The following SLC39A11 variants were observed in gnomAD, a reference collection of about 807,000 sequenced individuals.
The protein encoded by SLC39A11 is zinc transporter ZIP11.
SLC39A11 carries 33 observed loss-of-function variants against 36.1 expected under a neutral mutation model. The ratio of observed to expected loss-of-function variants is 0.91; its 90% CI spans 0.69 to 1.22. SLC39A11 has a LOEUF of 1.22. Ranked by LOEUF, SLC39A11 falls within the 50% of genes most tolerant of loss-of-function variation. SLC39A11 has a pLI of 0.00. For missense variants in SLC39A11, 432 were observed against 430.3 expected (o/e 1.00, Z -0.03); for synonymous variants, 166 against 170.3 (o/e 0.97, Z 0.20).
intron 5 of SLC39A11, among the ~76,000 whole-genome samples, chr17:72,904,896 G>A (rs935174593): frequency 1.2e-4 from 18 of 152,148 alleles, no homozygotes; most frequent in African/African-American, 3.6e-4. Flanking sequence ...TAGCACGGCT[G>A]GGCACAGTGG....
At chr17:72,829,334 A>G (rs2078169570) in intron 6 of SLC39A11, among the ~76,000 whole-genome samples, 3 of 147,826 alleles carry the variant, frequency 2.0e-5, no homozygotes, top group Admixed American at 6.7e-5. Context: ...TGGGAGACAG[A>G]GCGAGCCTCT....
At chr17:72,676,072 A>ACG (rs2071245750) in intron 7 of SLC39A11, among the ~76,000 whole-genome samples, 1 of 49,320 alleles carries the variant, frequency 2.0e-5, no homozygotes, top group Admixed American at 2.4e-4. Context: ...ACAATGTTTC[A>ACG]CACACACACA....
At chr17:72,915,580 A>G (rs1453578076) in intron 5 of SLC39A11, among the ~76,000 whole-genome samples, 3 of 149,072 alleles carry the variant, frequency 2.0e-5, no homozygotes, top group Non-Finnish European at 4.5e-5. Context: ...GATACAAGTG[A>G]GACATCCCAC....
At chr17:73,047,994 T>C (rs1356438173) in intron 3 of SLC39A11, among the ~76,000 whole-genome samples, 1 of 49,442 alleles carries the variant, frequency 2.0e-5, no homozygotes, top group East Asian at 8.0e-4. Flanking sequence ...AAAAAAAATA[T>C]ATATATATAT....
intron 5 of SLC39A11, among the ~76,000 whole-genome samples, chr17:72,922,964 A>C (rs1264223601): frequency 7.8e-5 from 11 of 141,428 alleles, no homozygotes; most frequent in Admixed American, 3.5e-4. Flanking sequence ...CCTTCTCAAA[A>C]AAAAAAAAAA....
intron 5 of SLC39A11, among the ~76,000 whole-genome samples, chr17:72,852,410 G>A (rs770010671): frequency 9.2e-5 from 14 of 151,958 alleles, no homozygotes; most frequent in Non-Finnish European, 1.8e-4. Flanking sequence ...CCTCCACAAC[G>A]CAAGGATGCC....
chr17:72,854,556 T>C (rs1447747940), intron 5 of SLC39A11, among the ~76,000 whole-genome samples: 1 of 152,076 alleles, frequency 6.6e-6, no homozygotes, highest in Non-Finnish European at 1.5e-5. Flanking sequence ...CATAAAGTAA[T>C]TGCAAGCAGA....
chr17:72,900,148 G>GA (rs35862095), intron 5 of SLC39A11, among the ~76,000 whole-genome samples: 4,932 of 96,542 alleles, frequency 0.051, 640 homozygotes, highest in East Asian at 0.12. Context: ...GAAAAAGAAA[G>GA]AAAGAAAAGA....
chr17:72,647,486 A>G lies in SLC39A11; in HGVS notation c.*98T>C. The G allele has an allele frequency of 1.1e-6, 1 of 951,572 alleles. No individual in the cohort carries two copies. The highest frequency in any genetic ancestry group is 1.6e-6 in the Non-Finnish European group (1 of 627,240). The allele number at this position is 951,572 out of a possible 1,614,324, so 58.9% of individuals were successfully genotyped here. On this transcript the variant is annotated 3_prime_UTR_variant, in exon 10 of 10. Transcript: ENST00000255559. The stretch of plus-strand genomic sequence containing the variant: ...ATGAGATGAAGAAGAGAGGAAGGAA[A>G]AAAGTTTTAATGTGAAGAAAGAAGC...
intron 4 of SLC39A11, among the ~76,000 whole-genome samples, chr17:72,977,935 C>T (rs549131358): frequency 3.9e-5 from 6 of 152,346 alleles, no homozygotes; most frequent in Non-Finnish European, 7.3e-5. Flanking sequence ...GAGCCTCTCC[C>T]ACCCACAAAG....
At chr17:72,910,327 T>A (rs537749266) in intron 5 of SLC39A11, among the ~76,000 whole-genome samples, 15 of 152,014 alleles carry the variant, frequency 9.9e-5, no homozygotes, top group East Asian at 1.9e-4. Context: ...ATTATTTTTT[T>A]AAAAAAGTAA....
chr17:72,983,847 T>C (rs1026869506), intron 4 of SLC39A11, among the ~76,000 whole-genome samples: 4 of 152,156 alleles, frequency 2.6e-5, no homozygotes, highest in African/African-American at 9.6e-5. Context: ...GGTGAGTTAC[T>C]AAGGAAAAGG....
chr17:72,721,553 A>G lies in SLC39A11; in HGVS notation c.671+15097T>C, dbSNP rs118163530. On this transcript the variant is annotated intron_variant, in intron 7 of 9. Coordinates refer to ENST00000255559, the MANE Select transcript of SLC39A11 (RefSeq NM_139177.4). ...GCACAGGACTGGGCACACAACAAGC[A>G]CTCAGCAGAGCTCCCCTACATAACA... is the stretch of plus-strand genomic sequence containing the variant. 1.4e-4 allele frequency among the ~76,000 whole-genome samples: 21 copies of G among 152,244 alleles called. No homozygotes were observed. In the East Asian group the frequency reaches 3.7e-3, roughly 27 times the overall value.
At chr17:72,663,239 T>C (rs1254176512) in intron 7 of SLC39A11, among the ~76,000 whole-genome samples, 1 of 152,244 alleles carries the variant, frequency 6.6e-6, no homozygotes, top group Admixed American at 6.5e-5. Flanking sequence ...ACAACACGTT[T>C]GAGCAGAAAC....
At chr17:73,088,624 A>T in intron 2 of SLC39A11, 33 bp downstream of exon 2, 1 of 1,577,070 alleles carries the variant, frequency 6.3e-7, no homozygotes, top group Admixed American at 1.7e-5. Context: ...CGGGCTCCCC[A>T]CCAACATCCA....
At chr17:72,770,008 T>C (rs183772385) in intron 6 of SLC39A11, among the ~76,000 whole-genome samples, 263 of 152,298 alleles carry the variant, frequency 1.7e-3, no homozygotes, top group African/African-American at 4.9e-3. Flanking sequence ...CCTACATCTA[T>C]TGATTGGCGT....
At chr17:72,926,468 G>A (rs2466530) in intron 5 of SLC39A11, among the ~76,000 whole-genome samples, 52,183 of 152,040 alleles carry the variant, frequency 0.34, 9,512 homozygotes, top group Admixed American at 0.45. Context: ...ATGACTGGAG[G>A]CTCCTCTGAC....
rs539190684 is a variant in SLC39A11 at position 72,822,617 on chromosome 17, G to C, written c.601+27017C>G. On this transcript the variant is annotated intron_variant, in intron 6 of 9. Coordinates refer to ENST00000255559, the MANE Select transcript of SLC39A11 (RefSeq NM_139177.4). ...CCACACTCTATGCCCCTGGTCAGGC[G>C]TTCTCACCAGGGAGAGAAGGGTGAT... Among the ~76,000 whole-genome samples, 3 of 151,366 alleles carry C rather than the reference G, an allele frequency of 2.0e-5. 1 individual carries two copies. The highest frequency in any genetic ancestry group is 7.2e-5 in the African/African-American group (3 of 41,514).
chr17:72,949,845 C>A (rs963004733), intron 4 of SLC39A11, among the ~76,000 whole-genome samples: 1 of 151,872 alleles, frequency 6.6e-6, no homozygotes, highest in African/African-American at 2.4e-5. Flanking sequence ...GGCTTAAAAT[C>A]TAATCACATA....
Sources: gnomAD v4.1 joint callset for allele counts (sites outside exome capture counted in the v4.1 genomes callset) on GRCh38, gnomAD v4.1.1 for gene constraint, MANE v1.5 for transcripts, NCBI Gene and HGNC (gene_info 2026-07-23, HGNC 2026-07-21) for gene names.